The following PRKDC variants were observed in gnomAD, a reference collection of about 807,000 sequenced individuals.
PRKDC encodes the protein DNA-dependent protein kinase catalytic subunit.
Under a neutral mutation model 486.9 loss-of-function variants are expected in PRKDC, and 82 were observed. The ratio of observed to expected loss-of-function variants is 0.17; its 90% CI spans 0.14 to 0.20. The LOEUF is 0.20. Ranked by LOEUF, PRKDC falls within the 10% of genes least tolerant of loss-of-function variation. The probability of loss-of-function intolerance (pLI) is 1.00; values close to 1 mark genes in which losing one functional copy is unlikely to be tolerated. For synonymous variants in PRKDC, 1,895 were observed against 1,837.0 expected (o/e 1.03, Z -0.81); for missense variants, 4,504 against 5,038.2 (o/e 0.89, Z 3.21).
chr8:47,798,362 G>A lies in PRKDC; in HGVS notation c.10333C>T (p.Leu3445Phe), dbSNP rs2087023357. 1.2e-6 allele frequency: 2 copies of A among 1,610,812 alleles called. No homozygotes were observed. The highest frequency in any genetic ancestry group is 1.7e-6 in the Non-Finnish European group (2 of 1,178,686). ...GCTTTCAACATTTTCTCCACCACAA[G>A]TGCTGGATACGCCTGCAGTTCTGCA... is the stretch of plus-strand genomic sequence containing the variant. Reference protein sequence around the residue: ...DSAELQAYPALVVEKMLKALK... With the variant: ...DSAELQAYPAFVVEKMLKALK... Residue 3445 changes from leucine (L) to phenylalanine (F), a missense_variant, in exon 73 of 86, where the codon CTT becomes TTT. Leu to Phe is a conservative substitution (Grantham distance 22). Transcript: ENST00000314191.
Position 47,836,594 on chromosome 8 carries a change from C to T in PRKDC, c.7762-67G>A, listed in dbSNP as rs1290818319. ...AAATAATGCTCCTTTTTTAGGAACACTGATATATTTCTATTTAAAATCTAA... is the reference window on the plus strand; with the variant it reads ...AAATAATGCTCCTTTTTTAGGAACATTGATATATTTCTATTTAAAATCTAA... On this transcript the variant is annotated intron_variant, in intron 57 of 85. Coordinates refer to ENST00000314191, the MANE Select transcript of PRKDC (RefSeq NM_006904.7). The T allele has an allele frequency of 6.8e-6, 9 of 1,333,230 alleles. No individual in the cohort carries two copies. In the South Asian group the frequency reaches 9.4e-5, roughly 14 times the overall value. The allele number at this position is 1,333,230 out of a possible 1,614,324, so 82.6% of individuals were successfully genotyped here.
intron 40 of PRKDC, among the ~76,000 whole-genome samples, chr8:47,869,751 G>A (rs2088905526): frequency 6.6e-6 from 1 of 152,220 alleles, no homozygotes; most frequent in African/African-American, 2.4e-5. Flanking sequence ...CCCAGTTCTA[G>A]GCCTTGGCTC....
rs372199362 is a variant in PRKDC, at chr8:47,888,989, C to A, written c.4280+25G>T. 3.9e-5 allele frequency: 62 copies of A among 1,600,558 alleles called. 1 individual carries two copies. In the Admixed American group the frequency reaches 6.5e-4, roughly 17 times the overall value. On this transcript the variant is annotated intron_variant, in intron 33 of 85. Coordinates refer to ENST00000314191, the MANE Select transcript of PRKDC (RefSeq NM_006904.7). The stretch of plus-strand genomic sequence containing the variant: ...GGCCTGAAATTCCAGGACAACATGT[C>A]CCCGATTGTGACCCAAGTACCCACC...
rs376854660 is a variant in PRKDC at position 47,933,006 on chromosome 8, T to C, written c.1776+14A>G. On this transcript the variant is annotated intron_variant, in intron 16 of 85. Transcript: ENST00000314191. ...AAAAATGATGAAAAATTACTACTGA[T>C]AAAAATTTCTAACCTCTTGTTCCCC... 18 of 1,565,020 alleles carry C rather than the reference T, an allele frequency of 1.2e-5. No homozygotes were observed. Among genetic ancestry groups the C allele is most frequent in the Non-Finnish European group, 1.5e-5 (17 of 1,159,538 alleles).
At chr8:47,835,102 G>C (rs1433692557) in intron 58 of PRKDC, among the ~76,000 whole-genome samples, 2 of 152,130 alleles carry the variant, frequency 1.3e-5, no homozygotes, top group East Asian at 3.9e-4. Context: ...AAACGTTAAA[G>C]AGTTTATATA....
At chr8:47,860,344 A>T (rs2088648093) in intron 45 of PRKDC, among the ~76,000 whole-genome samples, 1 of 152,204 alleles carries the variant, frequency 6.6e-6, no homozygotes, top group Non-Finnish European at 1.5e-5. Flanking sequence ...GTATTAGAGG[A>T]AACTGCAAGT....
intron 58 of PRKDC, 150 bp downstream of exon 58, chr8:47,836,188 C>CCCT: frequency 1.3e-6 from 1 of 787,352 alleles, no homozygotes; most frequent in East Asian, 3.1e-5. Flanking sequence ...TATAGGAACC[C>CCCT]CCTCTTTTGA....
At chr8:47,915,962 T>G (rs1385708284) in intron 22 of PRKDC, among the ~76,000 whole-genome samples, 4 of 152,238 alleles carry the variant, frequency 2.6e-5, no homozygotes, top group African/African-American at 9.6e-5. Flanking sequence ...CTCTACGTAC[T>G]CTACTATGTT....
intron 13 of PRKDC, among the ~76,000 whole-genome samples, chr8:47,935,292 G>T (rs1360511858): frequency 2.0e-5 from 3 of 152,092 alleles, no homozygotes; most frequent in Non-Finnish European, 4.4e-5. Flanking sequence ...AAAAGGTCAG[G>T]AGTTCGAGAC....
At chr8:47,851,950 T>C (rs1334213015) in intron 52 of PRKDC, among the ~76,000 whole-genome samples, 2 of 151,620 alleles carry the variant, frequency 1.3e-5, no homozygotes, top group African/African-American at 2.4e-5. Context: ...ACCTTGTTTC[T>C]ACAAAAAATA....
Position 47,800,915 on chromosome 8 carries a change from T to C in PRKDC, c.9994A>G (p.Thr3332Ala), listed in dbSNP as rs2154498228. The change falls in exon 71 of 86, where the codon ACA becomes GCA. Residue 3332 changes from threonine (T) to alanine (A), a missense_variant. Transcript: ENST00000314191. ...GCATTCGCTATGATCCTGTAAGTTGTACCCAAGAGAATGTTCTGGTCACGG... is the reference window on the plus strand; with the variant it reads ...GCATTCGCTATGATCCTGTAAGTTGCACCCAAGAGAATGTTCTGGTCACGG... ...AFRDQNILLG[T>A]TYRIIANALS... 6.2e-7 allele frequency: 1 copy of C among 1,614,010 alleles called. No individual in the cohort carries two copies. The highest frequency in any genetic ancestry group is 1.1e-5 in the South Asian group (1 of 91,058).
At chr8:47,897,847 T>C (rs962604995) in intron 29 of PRKDC, among the ~76,000 whole-genome samples, 26 of 152,212 alleles carry the variant, frequency 1.7e-4, no homozygotes, top group African/African-American at 5.3e-4. Context: ...AAAATATTAA[T>C]AATCCAGTCC....
intron 29 of PRKDC, 55 bp from the exon 30 acceptor site, chr8:47,897,349 T>C: frequency 6.8e-7 from 1 of 1,469,874 alleles, no homozygotes; most frequent in Non-Finnish European, 9.1e-7. Flanking sequence ...AACATTCAGC[T>C]ACCAAGGCTC....
At chr8:47,923,842 T>C (rs1460128024) in intron 21 of PRKDC, among the ~76,000 whole-genome samples, 1 of 152,196 alleles carries the variant, frequency 6.6e-6, no homozygotes, top group Non-Finnish European at 1.5e-5. Context: ...AAGCCTGGAC[T>C]AGCCAACACC....
intron 60 of PRKDC, among the ~76,000 whole-genome samples, chr8:47,831,028 T>A (rs994545481): frequency 1.3e-5 from 2 of 152,206 alleles, no homozygotes; most frequent in Non-Finnish European, 2.9e-5. Context: ...GAGAGCTGCA[T>A]CTCTGGAAAG....
Position 47,888,533 on chromosome 8 carries a change from A to G in PRKDC, c.4398T>C (p.Asn1466=). The G allele has an allele frequency of 6.4e-7, 1 of 1,567,404 alleles. No homozygotes were observed. The highest frequency in any genetic ancestry group is 8.7e-7 in the Non-Finnish European group (1 of 1,155,480). ...TTATAGTTACCTGAGACGGTAATAT[A>G]TTATGCAGAAGCCCAGCTCTGTGAA... ...KQLHRAGLLH[N]ILPSQSTDLH... is the part of the protein sequence containing the mutation. Residue 1466 remains asparagine, a synonymous_variant, in exon 34 of 86, where the codon AAT becomes AAC. Transcript: ENST00000314191.
Position 47,788,935 on chromosome 8 carries a change from G to C in PRKDC, c.10873C>G (p.Leu3625Val), listed in dbSNP as rs369496484. The C allele has an allele frequency of 6.8e-6, 11 of 1,609,236 alleles. No individual in the cohort carries two copies. In the African/African-American group the frequency reaches 1.5e-4, roughly 22 times the overall value. ...ATAAACTTCCTTCTAAAGGCCCCCA[G>C]GCCTGGAGCCTTTGGGTCACCCAAG... ...AALGDPKAPG[L>V]GAFRRKFIQT... Residue 3625 changes from leucine to valine, a missense_variant, in exon 76 of 86, where the codon CTG becomes GTG. Coordinates refer to ENST00000314191, the MANE Select transcript of PRKDC (RefSeq NM_006904.7).
chr8:47,859,836 A>G, intron 45 of PRKDC, 77 bp from the exon 46 acceptor site: 1 of 1,374,336 alleles, frequency 7.3e-7, no homozygotes, highest in Non-Finnish European at 1.0e-6. Context: ...AATTCAAATG[A>G]TATGAAAATT....
chr8:47,923,483 C>G (rs1026659770), intron 21 of PRKDC, among the ~76,000 whole-genome samples: 3 of 152,212 alleles, frequency 2.0e-5, no homozygotes, highest in Non-Finnish European at 4.4e-5. Flanking sequence ...AGAAGAGGCC[C>G]AGAGTGGCAC....
Sources: allele counts gnomAD v4.1 joint callset (sites outside exome capture counted in the v4.1 genomes callset), GRCh38; gene constraint gnomAD v4.1.1; transcripts MANE v1.5; gene names NCBI Gene and HGNC (gene_info 2026-07-23, HGNC 2026-07-21).